Variants in ADGRV1 observed in about 807,000 individuals in gnomAD.
The protein encoded by ADGRV1 is adhesion G protein-coupled receptor V1, also known as G-protein coupled receptor 98.
Under a neutral mutation model 596.2 loss-of-function variants are expected in ADGRV1, and 359 were observed. The ratio of observed to expected loss-of-function variants is 0.60; its 90% CI spans 0.55 to 0.66. ADGRV1 has a LOEUF of 0.66. Among genes scored for constraint, ADGRV1 ranks in the 30% least tolerant of loss-of-function variants. The probability of loss-of-function intolerance (pLI) is 0.00; values close to 1 mark genes in which losing one functional copy is unlikely to be tolerated. For synonymous variants in ADGRV1, 2,681 were observed against 2,679.2 expected, an observed-to-expected ratio of 1.00 and a Z score of -0.02; for missense variants, 7,274 against 7,575.6, an observed-to-expected ratio of 0.96 and a Z score of 1.48.
At chr5:90,797,206 C>CA (rs1760821894) in intron 70 of ADGRV1, among the ~76,000 whole-genome samples, 1 of 143,774 alleles carries the variant, frequency 7.0e-6, no homozygotes, top group East Asian at 2.1e-4. Context: ...GACCCATCTT[C>CA]AGGAGACCCA....
chr5:90,844,200 A>C (rs1454002134), intron 78 of ADGRV1, among the ~76,000 whole-genome samples: 1 of 152,214 alleles, frequency 6.6e-6, no homozygotes, highest in African/African-American at 2.4e-5. Context: ...TCATATTAAA[A>C]AGGACAGAAT....
At chr5:90,934,224 C>T (rs1775490107) in intron 83 of ADGRV1, among the ~76,000 whole-genome samples, 1 of 152,144 alleles carries the variant, frequency 6.6e-6, no homozygotes, top group South Asian at 2.1e-4. Context: ...GAAGTCTTGC[C>T]CTTGCTCAGT....
At chr5:90,875,532 AAG>A (rs1279855003) in intron 83 of ADGRV1, among the ~76,000 whole-genome samples, 1 of 152,308 alleles carries the variant, frequency 6.6e-6, no homozygotes, top group East Asian at 1.9e-4. Context: ...CTTCCTTCAA[AAG>A]TCCATAGAAG....
intron 74 of ADGRV1, among the ~76,000 whole-genome samples, chr5:90,812,506 A>G (rs1030102102): frequency 6.6e-6 from 1 of 152,174 alleles, no homozygotes; most frequent in African/African-American, 2.4e-5. Context: ...CTATCTTAGA[A>G]ACTTGGAAAT....
In ADGRV1 at chr5:91,034,303, G is replaced by A. The variant is rs962194373; in HGVS notation, c.18153-38144G>A. Among the ~76,000 whole-genome samples the A allele has an allele frequency of 2.0e-5, 3 of 152,030 alleles. No individual in the cohort carries two copies. In the East Asian group the frequency reaches 5.8e-4, roughly 29 times the overall value. On this transcript the variant is annotated intron_variant, in intron 85 of 89. Coordinates refer to ENST00000405460, the MANE Select transcript of ADGRV1 (RefSeq NM_032119.4). Reference sequence around the variant, plus strand: ...GGTTTGGTTTACAAACTTTAAGCAGGTTAAAGTCTACATAACACAGAACTC... The same window carrying A: ...GGTTTGGTTTACAAACTTTAAGCAGATTAAAGTCTACATAACACAGAACTC...
intron 85 of ADGRV1, among the ~76,000 whole-genome samples, chr5:91,008,146 A>C (rs565414927): frequency 2.0e-5 from 3 of 152,348 alleles, no homozygotes; most frequent in Admixed American, 1.3e-4. Flanking sequence ...CATAATATTT[A>C]TAAAGGCGAT....
chr5:90,635,374 A>G lies in ADGRV1; in HGVS notation c.2016+84A>G, dbSNP rs529823345. The G allele has an allele frequency of 1.5e-4, 183 of 1,240,134 alleles. 1 individual carries two copies. Among genetic ancestry groups the G allele is most frequent in the East Asian group, 8.5e-4 (36 of 42,282 alleles). 76.8% of individuals were successfully genotyped at this position (1,240,134 alleles called of 1,614,324 possible). A position where few individuals can be genotyped will look rare whatever the true frequency, so the allele number is the denominator to read the frequency against. Reference sequence around the variant, plus strand: ...TATTTTTAAAATAAGATCAGCATATAGGGTTAACATCTTAAAAAGCTTCAG... The same window carrying G: ...TATTTTTAAAATAAGATCAGCATATGGGGTTAACATCTTAAAAAGCTTCAG... On this transcript the variant is annotated intron_variant, in intron 10 of 89. Transcript: ENST00000405460.
At chr5:90,689,376 G>A (rs1746162662) in intron 29 of ADGRV1, among the ~76,000 whole-genome samples, 1 of 134,866 alleles carries the variant, frequency 7.4e-6, no homozygotes. Flanking sequence ...ATCCTGAGCA[G>A]TACTCAGTAG....
chr5:91,062,866 C>G (rs1312612130), intron 85 of ADGRV1, among the ~76,000 whole-genome samples: 4 of 151,890 alleles, frequency 2.6e-5, no homozygotes, highest in African/African-American at 7.3e-5. Flanking sequence ...CCCCTTGGCT[C>G]CCTACCAAAG....
intron 1 of ADGRV1, among the ~76,000 whole-genome samples, chr5:90,611,124 G>A (rs1762683372): frequency 6.6e-6 from 1 of 151,820 alleles, no homozygotes; most frequent in South Asian, 2.1e-4. Flanking sequence ...ACAGGGCGTT[G>A]CATGATGTAC....
intron 89 of ADGRV1, among the ~76,000 whole-genome samples, chr5:91,157,527 C>T (rs1796572382): frequency 6.6e-6 from 1 of 152,050 alleles, no homozygotes; most frequent in African/African-American, 2.4e-5. Flanking sequence ...ACTTTCTCCA[C>T]AGAATTTTAT....
chr5:91,088,041 A>G (rs1171775893), intron 86 of ADGRV1, among the ~76,000 whole-genome samples: 3 of 152,214 alleles, frequency 2.0e-5, no homozygotes, highest in Non-Finnish European at 2.9e-5. Context: ...TTTTATCATA[A>G]ATAGCCTTCG....
intron 4 of ADGRV1, among the ~76,000 whole-genome samples, chr5:90,622,178 G>A (rs944987705): frequency 2.0e-5 from 3 of 152,214 alleles, no homozygotes; most frequent in African/African-American, 7.2e-5. Context: ...CAAGCTGGCT[G>A]ATGTGGAGAA....
At position 90,681,367 on chromosome 5, in the gene ADGRV1, C is replaced by T. The variant is rs770330094; in HGVS notation, c.5577C>T (p.His1859=). 2.6e-5 allele frequency: 42 copies of T among 1,613,710 alleles called. No individual in the cohort carries two copies. Among genetic ancestry groups the T allele is most frequent in the Middle Eastern group, 1.6e-4 (1 of 6,084 alleles). The change falls in exon 27 of 90, where the codon CAC becomes CAT. Residue 1859 remains histidine, a synonymous_variant. Coordinates refer to ENST00000405460, the MANE Select transcript of ADGRV1 (RefSeq NM_032119.4). ...QILVTIAASD[H]AHGVFEFSPE... ...TAGTGACAATTGCAGCCTCTGACCA[C>T]GCTCATGGCGTATTTGAATTTAGCC...
chr5:90,989,323 A>G (rs1780772405), intron 85 of ADGRV1, among the ~76,000 whole-genome samples: 1 of 152,216 alleles, frequency 6.6e-6, no homozygotes, highest in South Asian at 2.1e-4. Context: ...TTGATATCCT[A>G]AAATGCTTTG....
At position 90,719,676 on chromosome 5, in the gene ADGRV1, G is replaced by A. The variant is rs76858248; in HGVS notation, c.9448-372G>A. 5.7e-4 allele frequency among the ~76,000 whole-genome samples: 87 copies of A among 152,192 alleles called. 3 individuals are homozygous for A. The East Asian group carries it at 0.015, about 27-fold the overall frequency. On this transcript the variant is annotated intron_variant, in intron 43 of 89. Transcript: ENST00000405460. ...GTTCGGATGTTTCTAATTTGTGCCT[G>A]CTATGACTACAAATGTTTTTTTAAC...
chr5:90,716,568 G>T lies in ADGRV1; in HGVS notation c.9286G>T (p.Glu3096Ter). 2 of 1,613,756 alleles carry T rather than the reference G, an allele frequency of 1.2e-6. No homozygotes were observed. The highest frequency in any genetic ancestry group is 1.7e-6 in the Non-Finnish European group (2 of 1,179,728). Residue 3096 changes from glutamate (E) to a stop codon, truncating the protein, a stop_gained, in exon 43 of 90, where the codon GAG becomes TAG. Transcript: ENST00000405460. LOFTEE classifies it high-confidence loss of function. ...LREPTALYVQ[E>*]SVAVLYIVRE... ...AGAGCCAACAGCTCTCTACGTCCAG[G>T]AGAGTGTTGCAGTATTGTACATTGT...
intron 83 of ADGRV1, among the ~76,000 whole-genome samples, chr5:90,867,286 A>G (rs1319238518): frequency 1.3e-5 from 2 of 152,116 alleles, no homozygotes; most frequent in Non-Finnish European, 1.5e-5. Flanking sequence ...TTTCTTCTCT[A>G]TGGTTTGTTA....
At chr5:91,158,616 A>G (rs1349852005) in intron 89 of ADGRV1, among the ~76,000 whole-genome samples, 1 of 152,234 alleles carries the variant, frequency 6.6e-6, no homozygotes, top group Admixed American at 6.5e-5. Context: ...ACAGAGGTTA[A>G]TAAGTCTCAA....
Sources: allele counts gnomAD v4.1 joint callset (sites outside exome capture counted in the v4.1 genomes callset), GRCh38; gene constraint gnomAD v4.1.1; transcripts MANE v1.5; gene names NCBI Gene and HGNC (gene_info 2026-07-23, HGNC 2026-07-21).